USP45: variants seen among roughly 807,000 people sequenced by gnomAD.
USP45 encodes ubiquitin carboxyl-terminal hydrolase 45.
In USP45, 89 loss-of-function variants were observed where a neutral mutation model predicts 95.8. The observed-to-expected ratio is 0.93, with a 90% confidence interval of 0.78 to 1.11. The LOEUF (loss-of-function observed/expected upper bound fraction) is 1.11, where lower values mean the gene tolerates loss of function less well. USP45 is among the 50% of genes least tolerant of loss of function. USP45 has a pLI of 0.00. For synonymous variants in USP45, 281 were observed against 316.2 expected, an observed-to-expected ratio of 0.89 and a Z score of 1.18; for missense variants, 898 against 942.5, an observed-to-expected ratio of 0.95 and a Z score of 0.62.
At chr6:99,500,654 T>G (rs1321055845) in intron 5 of USP45, among the ~76,000 whole-genome samples, 1 of 152,202 alleles carries the variant, frequency 6.6e-6, no homozygotes, top group South Asian at 2.1e-4. Flanking sequence ...CCAATGAAAC[T>G]TAATGCTCAT....
chr6:99,489,550 A>C lies in USP45; in HGVS notation c.479-730T>G, dbSNP rs1368019922. Among the ~76,000 whole-genome samples the C allele has an allele frequency of 3.3e-5, 5 of 152,244 alleles. No homozygotes were observed. In the East Asian group the frequency reaches 9.6e-4, roughly 29 times the overall value. The stretch of plus-strand genomic sequence containing the variant: ...ATGTTCATATTAAAAGTTTTTTAAA[A>C]ATAAACAGAACCACACTGTAATACA... On this transcript the variant is annotated intron_variant, in intron 5 of 17. Transcript: ENST00000500704.
Position 99,508,668 on chromosome 6 carries a change from T to G in USP45, c.215A>C (p.Tyr72Ser). The G allele has an allele frequency of 6.2e-7, 1 of 1,613,932 alleles. No homozygotes were observed. Among genetic ancestry groups the G allele is most frequent in the Non-Finnish European group, 8.5e-7 (1 of 1,179,958 alleles). ...CSECLKERRF[Y>S]DGQLVLTSDI... ...AGAAGTAAGTACTAGCTGCCCATCA[T>G]AGAATCTTCTTTCTTTTAAACATTC... The change falls in exon 3 of 18, where the codon TAT becomes TCT. Residue 72 changes from tyrosine (Y) to serine (S), a missense_variant. By Grantham distance (144) the Tyr-to-Ser change is moderately radical (BLOSUM62 -2). Coordinates refer to ENST00000500704, the MANE Select transcript of USP45 (RefSeq NM_001346022.3).
chr6:99,433,264 A>G lies in USP45; in HGVS notation c.*2452T>C, dbSNP rs1779983652. On this transcript the variant is annotated 3_prime_UTR_variant, in exon 18 of 18. Transcript: ENST00000500704. ...TATTTTATCATTTTATATTTGGAAA[A>G]AAACGGGAAGCTGGGGTAAACCAGT... 1 of 152,672 alleles carries G rather than the reference A, an allele frequency of 6.5e-6. No individual in the cohort carries two copies. The highest frequency in any genetic ancestry group is 2.4e-5 in the African/African-American group (1 of 41,460). 9.5% of individuals were successfully genotyped at this position (152,672 alleles called of 1,614,324 possible). A position where few individuals can be genotyped will look rare whatever the true frequency, so the allele number is the denominator to read the frequency against.
chr6:99,434,330 T>G lies in USP45; in HGVS notation c.*1386A>C, dbSNP rs538177603. The G allele has an allele frequency of 2.0e-5, 3 of 152,334 alleles. No homozygotes were observed. Among genetic ancestry groups the G allele is most frequent in the Admixed American group, 2.0e-4 (3 of 15,300 alleles). The allele number at this position is 152,334 out of a possible 1,614,324, so 9.4% of individuals were successfully genotyped here. On this transcript the variant is annotated 3_prime_UTR_variant, in exon 18 of 18. Transcript: ENST00000500704. ...TTCCATACCTTATCTGCAGCCACTA[T>G]TCTTATCCTTTCTTCCCAGGAGGAG...
Position 99,482,819 on chromosome 6 carries a change from T to A in USP45, c.779A>T (p.His260Leu). The part of the protein sequence containing the change: ...PLTSALFLFL[H>L]SMKETEKGPL... ...TCCTTTTTCAGTCTCCTTCATGCTG[T>A]GAAGAAACAGGAACAAGGCTGAGGT... The change falls in exon 8 of 18, where the codon CAC becomes CTC. Residue 260 changes from histidine to leucine, a missense_variant. By Grantham distance (99) the His-to-Leu change is moderately conservative (BLOSUM62 -3). Transcript: ENST00000500704. 1 of 1,606,812 alleles carries A rather than the reference T, an allele frequency of 6.2e-7. No homozygotes were observed.
At chr6:99,458,426 G>T (rs1440057156) in intron 13 of USP45, among the ~76,000 whole-genome samples, 1 of 152,204 alleles carries the variant, frequency 6.6e-6, no homozygotes, top group Non-Finnish European at 1.5e-5. Flanking sequence ...ATAGTGGCAA[G>T]AAGGACAGAC....
chr6:99,446,396 T>C lies in USP45; in HGVS notation c.1376A>G (p.Lys459Arg). ...LSSGETVTYQ[K>R]NENLEMNGDS... ...CCCATTCATTTCAAGGTTTTCATTT[T>C]TCTGGTATGTGACAGTTTCTCCAGA... is the stretch of plus-strand genomic sequence containing the variant. The change falls in exon 14 of 18, where the codon AAA becomes AGA. Residue 459 changes from lysine (K) to arginine (R), a missense_variant. By Grantham distance (26) the Lys-to-Arg change is conservative. Coordinates refer to ENST00000500704, the MANE Select transcript of USP45 (RefSeq NM_001346022.3). The C allele has an allele frequency of 6.2e-7, 1 of 1,614,210 alleles. No individual in the cohort carries two copies. Among genetic ancestry groups the C allele is most frequent in the Non-Finnish European group, 8.5e-7 (1 of 1,180,040 alleles).
chr6:99,442,834 A>G (rs1238753770), intron 15 of USP45, among the ~76,000 whole-genome samples: 2 of 151,962 alleles, frequency 1.3e-5, no homozygotes, highest in Admixed American at 6.6e-5. Flanking sequence ...CAACAGAGGG[A>G]GATTCTCTCC....
chr6:99,455,819 TAAAAAAAAAAA>T (rs35285232), intron 13 of USP45, among the ~76,000 whole-genome samples: 9 of 44,338 alleles, frequency 2.0e-4, no homozygotes, highest in African/African-American at 6.8e-4. Flanking sequence ...ATGTGAGAGC[TAAAAAAAAAAA>T]AAAAAAAAAA....
rs1781431534 is a variant in USP45 at position 99,441,076 on chromosome 6, T to C, written c.2074-1221A>G. On this transcript the variant is annotated intron_variant, in intron 15 of 17. Coordinates refer to ENST00000500704, the MANE Select transcript of USP45 (RefSeq NM_001346022.3). Reference sequence around the variant, plus strand: ...ATGAAATGATACACTGCATTTTCCATATTAAAATATAAATTTGATATCCTG... The same window carrying C: ...ATGAAATGATACACTGCATTTTCCACATTAAAATATAAATTTGATATCCTG... Among the ~76,000 whole-genome samples, 6 of 152,202 alleles carry C rather than the reference T, an allele frequency of 3.9e-5. No homozygotes were observed. In the South Asian group the frequency reaches 1.2e-3, roughly 31 times the overall value.
intron 5 of USP45, among the ~76,000 whole-genome samples, chr6:99,489,317 T>A (rs1175881811): frequency 6.6e-6 from 1 of 152,152 alleles, no homozygotes; most frequent in East Asian, 1.9e-4. Flanking sequence ...GATAATTTGA[T>A]CATAAAAATA....
intron 9 of USP45, among the ~76,000 whole-genome samples, chr6:99,474,391 T>C (rs1790282939): frequency 1.3e-5 from 2 of 152,124 alleles, no homozygotes; most frequent in African/African-American, 4.8e-5. Context: ...AGACACATGG[T>C]TTCACTATAT....
chr6:99,466,148 T>C (rs1469006959), intron 11 of USP45, among the ~76,000 whole-genome samples: 1 of 152,112 alleles, frequency 6.6e-6, no homozygotes. Context: ...CCCGAGTCAT[T>C]GGGACTATAG....
In USP45 at chr6:99,482,809, C is replaced by G. The variant is rs1242536163; in HGVS notation, c.789G>C (p.Lys263Asn). The change falls in exon 8 of 18, where the codon AAG becomes AAC. Residue 263 changes from lysine (K) to asparagine (N), a missense_variant. Lys to Asn is a moderately conservative substitution (Grantham distance 94). Transcript: ENST00000500704. ...SALFLFLHSM[K>N]ETEKGPLSPK... ...GAGAAAGTGGTCCTTTTTCAGTCTC[C>G]TTCATGCTGTGAAGAAACAGGAACA... is the stretch of plus-strand genomic sequence containing the variant. 2 of 1,606,370 alleles carry G rather than the reference C, an allele frequency of 1.2e-6. No individual in the cohort carries two copies. Among genetic ancestry groups the G allele is most frequent in the Non-Finnish European group, 1.7e-6 (2 of 1,175,936 alleles).
intron 5 of USP45, among the ~76,000 whole-genome samples, chr6:99,489,950 CA>C (rs1794804277): frequency 6.6e-6 from 1 of 150,634 alleles, no homozygotes; most frequent in Non-Finnish European, 1.5e-5. Flanking sequence ...GACTCTGTCT[CA>C]AAAGAAAAAA....
intron 7 of USP45, among the ~76,000 whole-genome samples, chr6:99,487,165 T>C (rs1794111160): frequency 6.6e-6 from 1 of 152,156 alleles, no homozygotes. Flanking sequence ...TCTTACATAT[T>C]GTGGCAGTTG....
Position 99,437,412 on chromosome 6 carries a change from G to GA in USP45, c.2161-14dup, listed in dbSNP as rs761703420. The GA allele has an allele frequency of 1.3e-6, 2 of 1,566,218 alleles. No individual in the cohort carries two copies. Among genetic ancestry groups the GA allele is most frequent in the Non-Finnish European group, 1.7e-6 (2 of 1,163,954 alleles). ...CCACACTTGCATTCTTTTAAACAAA[G>GA]AAAAAAACCCAAATTAGTAATATTT... On this transcript the variant is annotated splice_polypyrimidine_tract_variant and intron_variant, in intron 16 of 17. Transcript: ENST00000500704.
chr6:99,448,982 TG>T (rs1783192275), intron 13 of USP45, among the ~76,000 whole-genome samples: 1 of 152,172 alleles, frequency 6.6e-6, no homozygotes, highest in South Asian at 2.1e-4. Flanking sequence ...TGAGAGATTG[TG>T]TCACCACCAG....
intron 1 of USP45, among the ~76,000 whole-genome samples, chr6:99,514,061 CTG>C (rs1800542413): frequency 2.0e-5 from 3 of 152,172 alleles, no homozygotes; most frequent in Admixed American, 2.0e-4. Flanking sequence ...ATTTACAAAA[CTG>C]TGGCTGAGGA....
Sources: allele counts gnomAD v4.1 joint callset (sites outside exome capture counted in the v4.1 genomes callset), GRCh38; gene constraint gnomAD v4.1.1; transcripts MANE v1.5; gene names NCBI Gene and HGNC (gene_info 2026-07-23, HGNC 2026-07-21).